The following ACAD9 variants were observed in gnomAD, a reference collection of about 807,000 sequenced individuals.
ACAD9 encodes the protein complex I assembly factor ACAD9, mitochondrial.
A neutral mutation model predicts 70.2 loss-of-function variants in ACAD9; 53 were observed. That is an observed-to-expected ratio of 0.75 (90% CI 0.61 to 0.95). The LOEUF (loss-of-function observed/expected upper bound fraction) is 0.95, where lower values mean the gene tolerates loss of function less well. Ranked by LOEUF, ACAD9 falls within the 40% of genes least tolerant of loss-of-function variation. The pLI, the probability that ACAD9 is intolerant of heterozygous loss-of-function variation, is 0.00. For synonymous variants in ACAD9, 313 were observed against 312.1 expected (o/e 1.00, Z -0.03); for missense variants, 777 against 802.8 (o/e 0.97, Z 0.39).
At chr3:128,899,494 T>C (rs2107653999) in intron 7 of ACAD9, 33 bp downstream of exon 7, 2 of 1,608,630 alleles carry the variant, frequency 1.2e-6, no homozygotes, top group Non-Finnish European at 8.5e-7. Flanking sequence ...TGCGCGTGTG[T>C]GTGTGTAAGG....
Position 128,909,426 on chromosome 3 carries a change from C to T in ACAD9, c.1563+5C>T. On this transcript the variant is annotated splice_donor_5th_base_variant and intron_variant, in intron 15 of 17. Coordinates refer to ENST00000308982, the MANE Select transcript of ACAD9 (RefSeq NM_014049.5). ...CTGCTGCTCCGCTTTGGCAAGGTAA[C>T]CAGGCCCTCCCAGGCCTGGGTCGCA... is the stretch of plus-strand genomic sequence containing the variant. 1 of 1,613,804 alleles carries T rather than the reference C, an allele frequency of 6.2e-7. No homozygotes were observed.
rs773015796 is a variant in ACAD9 at position 128,884,631 on chromosome 3, A to AGAAAATATTTACTATTTTTAGAAAG, written c.151-21_154dup. 8.3e-6 allele frequency: 13 copies of AGAAAATATTTACTATTTTTAGAAAG among 1,558,216 alleles called. No individual in the cohort carries two copies. In the African/African-American group the frequency reaches 1.1e-4, roughly 13 times the overall value. On this transcript the variant is annotated intron_variant, in intron 1 of 17. Transcript: ENST00000308982. ...GAGTGTGCTAAAAATTAAATTTTTT[A>AGAAAATATTTACTATTTTTAGAAAG]GAAAATATTTACTATTTTTAGAAAG...
chr3:128,901,423 A>C, intron 8 of ACAD9, 74 bp downstream of exon 8: 2 of 1,524,806 alleles, frequency 1.3e-6, no homozygotes, highest in Non-Finnish European at 1.8e-6. Context: ...CTTTTGCCCT[A>C]TCCCTGCTCG....
chr3:128,891,210 C>T (rs554565237), intron 2 of ACAD9, among the ~76,000 whole-genome samples: 3 of 152,298 alleles, frequency 2.0e-5, no homozygotes, highest in Admixed American at 2.0e-4. Context: ...GCTCTTCATT[C>T]TCTCATGTAG....
chr3:128,908,778 A>G (rs866245767), intron 13 of ACAD9, among the ~76,000 whole-genome samples, 195 bp from the exon 14 acceptor site: 2 of 152,118 alleles, frequency 1.3e-5, no homozygotes, highest in Non-Finnish European at 2.9e-5. Context: ...GGGGGAGCAT[A>G]TGTGTGGCTC....
In ACAD9 at chr3:128,909,411, G is replaced by C; in HGVS notation, c.1553G>C (p.Arg518Pro). 6.2e-7 allele frequency: 1 copy of C among 1,614,062 alleles called. No homozygotes were observed. The highest frequency in any genetic ancestry group is 8.5e-7 in the Non-Finnish European group (1 of 1,180,042). The change falls in exon 15 of 18, where the codon CGC becomes CCC. Residue 518 changes from arginine (R) to proline (P), a missense_variant. Physicochemically the swap from Arg to Pro is moderately radical, Grantham distance 103. Coordinates refer to ENST00000308982, the MANE Select transcript of ACAD9 (RefSeq NM_014049.5). ...FGRTVETLLL[R>P]FGKTIMEEQL... ...CGGACCGTGGAGACACTGCTGCTCC[G>C]CTTTGGCAAGGTAACCAGGCCCTCC...
In ACAD9 at chr3:128,899,181, C is replaced by T. The variant is rs1935657348; in HGVS notation, c.634-106C>T. 2.5e-6 allele frequency: 3 copies of T among 1,221,926 alleles called. No individual in the cohort carries two copies. The South Asian group carries it at 3.8e-5, about 16-fold the overall frequency. 75.7% of individuals were successfully genotyped at this position (1,221,926 alleles called of 1,614,324 possible). On this transcript the variant is annotated intron_variant, in intron 6 of 17. Transcript: ENST00000308982. The stretch of plus-strand genomic sequence containing the variant: ...CTGCAGAGCCAAGGACCCTGCATGT[C>T]TGGCCTGAGGTCTGACTGGCAGCTG...
chr3:128,911,035 ATGTGTG>A lies in ACAD9; in HGVS notation c.1765+230_1765+235del, dbSNP rs375679286. Among the ~76,000 whole-genome samples the A allele has an allele frequency of 4.1e-3, 617 of 152,086 alleles. 1 individual carries two copies. The highest frequency in any genetic ancestry group is 6.8e-3 in the Middle Eastern group (2 of 294). The stretch of plus-strand genomic sequence containing the variant: ...TTCACCAAGGCAGTTGTATGTATAT[ATGTGTG>A]TGTGTGTATGTATGTATGTATGTAT... On this transcript the variant is annotated intron_variant, in intron 17 of 17. Coordinates refer to ENST00000308982, the MANE Select transcript of ACAD9 (RefSeq NM_014049.5).
At chr3:128,886,140 T>C (rs1175503172) in intron 2 of ACAD9, among the ~76,000 whole-genome samples, 1 of 151,380 alleles carries the variant, frequency 6.6e-6, no homozygotes, top group Non-Finnish European at 1.5e-5. Flanking sequence ...TCTCACTCTG[T>C]CACCCAGGCT....
At chr3:128,891,172 A>G (rs62268189) in intron 2 of ACAD9, among the ~76,000 whole-genome samples, 7,568 of 152,190 alleles carry the variant, frequency 0.05, 389 homozygotes, top group African/African-American at 0.12. Flanking sequence ...AGGATCTTGT[A>G]GTTACCCATG....
In ACAD9 at chr3:128,899,463, T is replaced by C. The variant is rs1370216607; in HGVS notation, c.808+2T>C. 2 of 1,613,836 alleles carry C rather than the reference T, an allele frequency of 1.2e-6. No individual in the cohort carries two copies. The highest frequency in any genetic ancestry group is 8.5e-7 in the Non-Finnish European group (1 of 1,179,920). ...AATTAGGCATTCGGGGCTCCAACAG[T>C]AAGTAGCTCCTGTGCGCGCGTGCGC... On this transcript the variant is annotated splice_donor_variant, in intron 7 of 17. Coordinates refer to ENST00000308982, the MANE Select transcript of ACAD9 (RefSeq NM_014049.5). LOFTEE classifies it high-confidence loss of function.
chr3:128,910,193 T>C, intron 16 of ACAD9, 44 bp downstream of exon 16: 1 of 1,613,004 alleles, frequency 6.2e-7, no homozygotes, highest in Non-Finnish European at 8.5e-7. Context: ...TGCTGCCATC[T>C]GTCCTGCTGC....
chr3:128,897,716 G>A lies in ACAD9; in HGVS notation c.633+6G>A, dbSNP rs374268933. 8 of 1,612,470 alleles carry A rather than the reference G, an allele frequency of 5.0e-6. No individual in the cohort carries two copies. Among genetic ancestry groups the A allele is most frequent in the Non-Finnish European group, 6.8e-6 (8 of 1,179,264 alleles). ...ACATCCTCAATGGCTCCAAGGTAGGGTTCCTTCCCCATGGCCACATTAGGG... is the reference window on the plus strand; with the variant it reads ...ACATCCTCAATGGCTCCAAGGTAGGATTCCTTCCCCATGGCCACATTAGGG... On this transcript the variant is annotated splice_donor_region_variant and intron_variant, in intron 6 of 17. Coordinates refer to ENST00000308982, the MANE Select transcript of ACAD9 (RefSeq NM_014049.5).
intron 2 of ACAD9, among the ~76,000 whole-genome samples, chr3:128,888,236 C>G (rs934944386): frequency 2.0e-5 from 3 of 152,086 alleles, no homozygotes; most frequent in African/African-American, 4.8e-5. Flanking sequence ...TACACTGCGC[C>G]CCACTGTACA....
At chr3:128,900,524 CTTTT>C (rs1168732085) in intron 7 of ACAD9, among the ~76,000 whole-genome samples, 2 of 140,416 alleles carry the variant, frequency 1.4e-5, no homozygotes, top group African/African-American at 5.2e-5. Context: ...CGCACCCGGC[CTTTT>C]TTTTTTTTTT....
chr3:128,900,803 A>T (rs1576341944), intron 7 of ACAD9, among the ~76,000 whole-genome samples: 1 of 152,070 alleles, frequency 6.6e-6, no homozygotes, highest in Non-Finnish European at 1.5e-5. Flanking sequence ...TGCTACAGTT[A>T]GATTGCAGGG....
In ACAD9 at chr3:128,879,620, ATCAGACGTGTGTGTGT is replaced by A; in HGVS notation, c.-71_-56del. 6.4e-7 allele frequency: 1 copy of A among 1,560,830 alleles called. No homozygotes were observed. On this transcript the variant is annotated 5_prime_UTR_variant, in exon 1 of 18. Transcript: ENST00000308982. The stretch of plus-strand genomic sequence containing the variant: ...CACGTTGTCGCGGGCCAGTAACGTC[ATCAGACGTGTGTGTGT>A]CCCTGCGGCGCTAAGAAGGGGAGAC...
At chr3:128,906,312 C>G (rs1935890340) in intron 12 of ACAD9, 63 bp downstream of exon 12, 1 of 1,603,258 alleles carries the variant, frequency 6.2e-7, no homozygotes, top group Admixed American at 1.7e-5. Flanking sequence ...CCTAAAGATG[C>G]TGCTCAGGGC....
intron 2 of ACAD9, among the ~76,000 whole-genome samples, chr3:128,887,488 T>C (rs1158003266): frequency 6.6e-6 from 1 of 151,424 alleles, no homozygotes; most frequent in East Asian, 1.9e-4. Flanking sequence ...GCGCCCATAG[T>C]CCCAGCTACT....
Sources: allele counts gnomAD v4.1 joint callset (sites outside exome capture counted in the v4.1 genomes callset), GRCh38; gene constraint gnomAD v4.1.1; transcripts MANE v1.5; gene names NCBI Gene and HGNC (gene_info 2026-07-23, HGNC 2026-07-21).